Variants in GGNBP2 observed in about 807,000 individuals in gnomAD.
GGNBP2 encodes the protein gametogenetin binding protein 2.
Under a neutral mutation model 85.9 loss-of-function variants are expected in GGNBP2, and 10 were observed. The ratio of observed to expected loss-of-function variants is 0.12; its 90% CI spans 0.07 to 0.20. GGNBP2 has a LOEUF of 0.20. Ranked by LOEUF, GGNBP2 falls within the 10% of genes least tolerant of loss-of-function variation. GGNBP2 has a pLI of 1.00. For missense variants in GGNBP2, 595 were observed against 857.8 expected (o/e 0.69, Z 3.83); for synonymous variants, 287 against 285.7 (o/e 1.00, Z -0.05).
chr17:36,563,649 A>G (rs936814577), intron 5 of GGNBP2, among the ~76,000 whole-genome samples: 3 of 150,618 alleles, frequency 2.0e-5, no homozygotes, highest in Admixed American at 2.0e-4. Context: ...AGAACCACAC[A>G]TTATGTTCTT....
chr17:36,588,479 C>T (rs2074725301), intron 13 of GGNBP2, among the ~76,000 whole-genome samples: 1 of 152,200 alleles, frequency 6.6e-6, no homozygotes, highest in Non-Finnish European at 1.5e-5. Context: ...TGGTCTCGAA[C>T]TCCCAACCTC....
chr17:36,547,192 T>A (rs577673395), intron 2 of GGNBP2: 17 of 152,230 alleles, frequency 1.1e-4, no homozygotes, highest in Non-Finnish European at 1.3e-4. Flanking sequence ...TAGTTGAAAC[T>A]AGCACTGTGA....
intron 5 of GGNBP2, among the ~76,000 whole-genome samples, chr17:36,566,123 G>T (rs1467439887): frequency 6.6e-6 from 1 of 152,150 alleles, no homozygotes; most frequent in Non-Finnish European, 1.5e-5. Flanking sequence ...CGTCTCTGGC[G>T]TCCAAGGTGT....
At chr17:36,550,502 G>C (rs1373783478) in intron 2 of GGNBP2, among the ~76,000 whole-genome samples, 1 of 152,174 alleles carries the variant, frequency 6.6e-6, no homozygotes, top group African/African-American at 2.4e-5. Flanking sequence ...TAATTTTACT[G>C]AGGGTGATAG....
chr17:36,571,570 C>T (rs1229982687), intron 6 of GGNBP2, among the ~76,000 whole-genome samples: 1 of 151,368 alleles, frequency 6.6e-6, no homozygotes, highest in Non-Finnish European at 1.5e-5. Context: ...GGCCGGGTGC[C>T]ATGGCTCACG....
chr17:36,589,442 ACACT>A lies in GGNBP2; in HGVS notation c.*35_*38del, dbSNP rs777185285. 84 of 1,538,830 alleles carry A rather than the reference ACACT, an allele frequency of 5.5e-5. 1 individual carries two copies. The highest frequency in any genetic ancestry group is 1.7e-4 in the Middle Eastern group (1 of 5,930). Reference sequence around the variant, plus strand: ...TAAAATAGCTCTGTCTTTCAATGAAACACTCACGATGACTACTGCGCCTTCTCTT... The same window carrying A: ...TAAAATAGCTCTGTCTTTCAATGAAACACGATGACTACTGCGCCTTCTCTT... On this transcript the variant is annotated 3_prime_UTR_variant, in exon 14 of 14. Coordinates refer to ENST00000613102, the MANE Select transcript of GGNBP2 (RefSeq NM_024835.5).
chr17:36,572,457 G>C (rs1322964719), intron 6 of GGNBP2, among the ~76,000 whole-genome samples: 2 of 152,232 alleles, frequency 1.3e-5, no homozygotes, highest in Non-Finnish European at 2.9e-5. Context: ...GGGAGACTGA[G>C]GTGGGCGGAT....
chr17:36,566,086 A>G (rs757143009), intron 5 of GGNBP2, among the ~76,000 whole-genome samples: 20 of 152,188 alleles, frequency 1.3e-4, no homozygotes, highest in Non-Finnish European at 2.5e-4. Flanking sequence ...AGCTACATAG[A>G]GTAAGTTAAA....
intron 4 of GGNBP2, among the ~76,000 whole-genome samples, chr17:36,559,291 T>A (rs148087132): frequency 0.027 from 3,423 of 125,228 alleles, 56 homozygotes; most frequent in South Asian, 0.061. Flanking sequence ...AGCGAGACTC[T>A]GTCTCAAAAA....
At chr17:36,582,367 CAG>C (rs1478207431) in intron 9 of GGNBP2, 1 of 152,112 alleles carries the variant, frequency 6.6e-6, no homozygotes, top group Non-Finnish European at 1.5e-5. Flanking sequence ...GCCTGGGCGA[CAG>C]AGTGAAACTC....
At chr17:36,583,183 A>AG (rs1397606542) in intron 9 of GGNBP2, among the ~76,000 whole-genome samples, 10 of 152,052 alleles carry the variant, frequency 6.6e-5, no homozygotes, top group Non-Finnish European at 1.5e-5. Flanking sequence ...CCACCCAAGT[A>AG]GCTGGGGCTA....
chr17:36,586,016 G>T (rs946807763), intron 11 of GGNBP2, 34 bp from the exon 12 acceptor site: 2 of 1,613,646 alleles, frequency 1.2e-6, no homozygotes, highest in Admixed American at 1.7e-5. Flanking sequence ...GCTGACTTAA[G>T]AACATAAATA....
intron 9 of GGNBP2, among the ~76,000 whole-genome samples, chr17:36,584,343 C>T (rs1474987042): frequency 1.4e-5 from 2 of 147,940 alleles, no homozygotes; most frequent in Non-Finnish European, 3.0e-5. Context: ...TTGTCACATA[C>T]TTTTTTTTTT....
intron 6 of GGNBP2, among the ~76,000 whole-genome samples, chr17:36,572,815 T>TA (rs1209973495): frequency 6.6e-6 from 1 of 152,226 alleles, no homozygotes; most frequent in Non-Finnish European, 1.5e-5. Context: ...CAACTGAAAC[T>TA]ATACGCATTG....
Position 36,589,371 on chromosome 17 carries a change from C to T in GGNBP2, c.2054C>T (p.Pro685Leu). The T allele has an allele frequency of 6.2e-7, 1 of 1,613,790 alleles. No homozygotes were observed. Among genetic ancestry groups the T allele is most frequent in the Non-Finnish European group, 8.5e-7 (1 of 1,179,878 alleles). The change falls in exon 14 of 14, where the codon CCC becomes CTC. Residue 685 changes from proline (P) to leucine (L), a missense_variant. Pro to Leu is a moderately conservative substitution (Grantham distance 98, BLOSUM62 -3). Around this residue, in one of 9 missense-constraint regions of GGNBP2, gnomAD observed 26 missense variants for 26.9 expected, o/e 0.97. Transcript: ENST00000613102. ...KYCRLNDHKR[P>L]ICSGWLTTAG... ...TGCCGGTTAAATGATCACAAGAGGC[C>T]CATTTGTAGTGGCTGGTTGACAACG...
intron 5 of GGNBP2, among the ~76,000 whole-genome samples, chr17:36,563,559 C>T (rs1367748365): frequency 1.3e-5 from 2 of 150,428 alleles, no homozygotes; most frequent in Non-Finnish European, 2.9e-5. Flanking sequence ...ATCGAATACC[C>T]AGTTCATACT....
chr17:36,549,759 C>G (rs2074290895), intron 2 of GGNBP2, among the ~76,000 whole-genome samples: 1 of 152,020 alleles, frequency 6.6e-6, no homozygotes, highest in African/African-American at 2.4e-5. Context: ...TATTTTTCCA[C>G]TGTTGGACAT....
intron 6 of GGNBP2, chr17:36,575,050 G>A: frequency 5.5e-6 from 7 of 1,283,460 alleles, no homozygotes; most frequent in Non-Finnish European, 7.6e-6. Flanking sequence ...AGGCCCCCAG[G>A]AAAAAGTTAG....
At chr17:36,557,836 G>A (rs1394790213) in intron 4 of GGNBP2, among the ~76,000 whole-genome samples, 2 of 152,172 alleles carry the variant, frequency 1.3e-5, no homozygotes, top group African/African-American at 2.4e-5. Context: ...TAATAAGGCC[G>A]GGCGCGGTGG....
Sources: gnomAD v4.1 joint callset for allele counts (sites outside exome capture counted in the v4.1 genomes callset) on GRCh38, gnomAD v4.1.1 for gene constraint, gnomAD v4.1.1 regional missense constraint, MANE v1.5 for transcripts, NCBI Gene and HGNC (gene_info 2026-07-23, HGNC 2026-07-21) for gene names.